The following DOK6 variants were observed in gnomAD, a reference collection of about 807,000 sequenced individuals.
The protein encoded by DOK6 is downstream of tyrosine kinase 6.
In DOK6, 22 loss-of-function variants were observed where a neutral mutation model predicts 44.0. The observed-to-expected ratio is 0.50, with a 90% CI of 0.36 to 0.71. The LOEUF (loss-of-function observed/expected upper bound fraction) is 0.71, where lower values mean the gene tolerates loss of function less well. Ranked by LOEUF, DOK6 falls within the 30% of genes least tolerant of loss-of-function variation. The pLI is 0.00. For synonymous variants in DOK6, 166 were observed against 145.5 expected (o/e 1.14, Z -1.01); for missense variants, 340 against 416.4 (o/e 0.82, Z 1.60).
intron 4 of DOK6, among the ~76,000 whole-genome samples, chr18:69,695,837 G>A (rs1464483579): frequency 6.6e-6 from 1 of 152,158 alleles, no homozygotes; most frequent in African/African-American, 2.4e-5. Context: ...GCAAGAAATA[G>A]CATCCAAAGG....
At chr18:69,536,894 T>C (rs1982136506) in intron 1 of DOK6, among the ~76,000 whole-genome samples, 1 of 151,808 alleles carries the variant, frequency 6.6e-6, no homozygotes, top group Non-Finnish European at 1.5e-5. Flanking sequence ...AAGGGCTCAA[T>C]TGAATATTTT....
chr18:69,439,402 C>T (rs554524413), intron 1 of DOK6, among the ~76,000 whole-genome samples: 1 of 152,294 alleles, frequency 6.6e-6, no homozygotes, highest in African/African-American at 2.4e-5. Context: ...TCCTTTGAAG[C>T]TTTGAAGCCA....
At chr18:69,674,309 A>G (rs1196811555) in intron 3 of DOK6, among the ~76,000 whole-genome samples, 2 of 152,234 alleles carry the variant, frequency 1.3e-5, no homozygotes, top group African/African-American at 2.4e-5. Flanking sequence ...ACAGACTACA[A>G]AGGTTAATAC....
At chr18:69,596,813 A>C (rs1568306742) in intron 2 of DOK6, among the ~76,000 whole-genome samples, 1 of 152,156 alleles carries the variant, frequency 6.6e-6, no homozygotes, top group Non-Finnish European at 1.5e-5. Context: ...CTTAAAAGGC[A>C]ATTACATAAA....
chr18:69,537,866 C>G (rs914575448), intron 1 of DOK6, among the ~76,000 whole-genome samples: 1 of 152,120 alleles, frequency 6.6e-6, no homozygotes, highest in Non-Finnish European at 1.5e-5. Context: ...ACATAACAGT[C>G]CAACATGTCT....
At chr18:69,677,149 A>C (rs1599257984) in intron 3 of DOK6, among the ~76,000 whole-genome samples, 2 of 152,224 alleles carry the variant, frequency 1.3e-5, no homozygotes, top group East Asian at 3.9e-4. Context: ...ATTCAGAATG[A>C]CTTGGGGATC....
intron 3 of DOK6, among the ~76,000 whole-genome samples, chr18:69,654,170 G>A (rs1245108887): frequency 5.9e-5 from 9 of 152,108 alleles, no homozygotes; most frequent in African/African-American, 2.2e-4. Context: ...AAACACAGAA[G>A]AAAAGAGCAA....
At chr18:69,829,770 G>A (rs62090541) in intron 7 of DOK6, among the ~76,000 whole-genome samples, 10 of 148,756 alleles carry the variant, frequency 6.7e-5, no homozygotes, top group Non-Finnish European at 1.2e-4. Context: ...ACTTTCTATA[G>A]GAAAAAAAAA....
intron 3 of DOK6, among the ~76,000 whole-genome samples, chr18:69,666,993 C>G (rs555075374): frequency 7.8e-6 from 1 of 127,590 alleles, no homozygotes; most frequent in East Asian, 2.4e-4. Flanking sequence ...CCCAGAAGGA[C>G]CCCCCCTCCC....
At chr18:69,472,143 A>G (rs1297189115) in intron 1 of DOK6, among the ~76,000 whole-genome samples, 2 of 152,204 alleles carry the variant, frequency 1.3e-5, no homozygotes, top group African/African-American at 2.4e-5. Context: ...TACCTAGGAA[A>G]TAGTTCCTCC....
intron 1 of DOK6, among the ~76,000 whole-genome samples, chr18:69,528,162 C>CAAAAAAA (rs1555710307): frequency 2.8e-5 from 2 of 70,730 alleles, no homozygotes; most frequent in African/African-American, 1.1e-4. Flanking sequence ...GACTCTGTCT[C>CAAAAAAA]AAAAAAAAAA....
intron 7 of DOK6, among the ~76,000 whole-genome samples, chr18:69,791,781 T>C (rs947817473): frequency 6.6e-6 from 1 of 152,186 alleles, no homozygotes; most frequent in Non-Finnish European, 1.5e-5. Context: ...CCATTTTTGC[T>C]TGGGTTGTCT....
intron 3 of DOK6, among the ~76,000 whole-genome samples, chr18:69,608,498 G>A (rs529184351): frequency 6.6e-6 from 1 of 152,214 alleles, no homozygotes; most frequent in Middle Eastern, 3.4e-3. Context: ...GTCTTTTGTG[G>A]CTCCATATGA....
intron 3 of DOK6, among the ~76,000 whole-genome samples, chr18:69,631,534 C>A (rs748661626): frequency 4.9e-4 from 74 of 152,248 alleles, no homozygotes; most frequent in Non-Finnish European, 8.7e-4. Context: ...GTACATTATC[C>A]TGCAAACAGA....
intron 5 of DOK6, among the ~76,000 whole-genome samples, chr18:69,709,029 G>C (rs945041954): frequency 6.6e-6 from 1 of 152,136 alleles, no homozygotes; most frequent in East Asian, 1.9e-4. Context: ...ACAGTGAACC[G>C]AGTGTGAACT....
At chr18:69,402,127 G>C (rs1289011729) in intron 1 of DOK6, among the ~76,000 whole-genome samples, 2 of 152,156 alleles carry the variant, frequency 1.3e-5, no homozygotes, top group Non-Finnish European at 2.9e-5. Context: ...GCGAGAGAGA[G>C]GATGGAGGGA....
intron 7 of DOK6, among the ~76,000 whole-genome samples, chr18:69,779,779 A>T (rs548048443): frequency 1.3e-5 from 2 of 151,804 alleles, no homozygotes; most frequent in East Asian, 3.9e-4. Context: ...ATTCAACTTC[A>T]TATGCAGGGG....
intron 1 of DOK6, among the ~76,000 whole-genome samples, chr18:69,505,491 CTTTTTTTTTT>C (rs772908185): frequency 6.8e-5 from 6 of 88,560 alleles, no homozygotes; most frequent in South Asian, 4.5e-4. Flanking sequence ...TACTCCCATT[CTTTTTTTTTT>C]TTTTTTTTTT....
At chr18:69,799,110 T>G (rs1980830108) in intron 7 of DOK6, among the ~76,000 whole-genome samples, 2 of 152,072 alleles carry the variant, frequency 1.3e-5, no homozygotes, top group African/African-American at 2.4e-5. Flanking sequence ...GTCATCATTT[T>G]TGCTATTATT....
Sources: allele counts gnomAD v4.1 joint callset (sites outside exome capture counted in the v4.1 genomes callset), GRCh38; gene constraint gnomAD v4.1.1; transcripts MANE v1.5; gene names NCBI Gene and HGNC (gene_info 2026-07-23, HGNC 2026-07-21).